The following SNX7 variants were observed in gnomAD, a reference collection of about 807,000 sequenced individuals.
SNX7 encodes the protein sorting nexin 7.
Under a neutral mutation model 48.4 loss-of-function variants are expected in SNX7, and 35 were observed. The observed-to-expected ratio is 0.72, with a 90% CI of 0.55 to 0.96. SNX7 has a LOEUF of 0.96. Ranked by LOEUF, SNX7 falls within the 40% of genes least tolerant of loss-of-function variation. SNX7 has a pLI of 0.00. For synonymous variants in SNX7, 190 were observed against 190.2 expected, an observed-to-expected ratio of 1.00 and a Z score of 0.01; for missense variants, 553 against 548.9, an observed-to-expected ratio of 1.01 and a Z score of -0.07.
At chr1:98,678,729 G>T (rs2100927650) in intron 1 of SNX7, among the ~76,000 whole-genome samples, 1 of 152,238 alleles carries the variant, frequency 6.6e-6, no homozygotes, top group South Asian at 2.1e-4. Flanking sequence ...TGATGTTAAT[G>T]AATTATATCC....
chr1:98,729,102 C>T (rs1209412952), intron 7 of SNX7, among the ~76,000 whole-genome samples: 13 of 152,160 alleles, frequency 8.5e-5, no homozygotes, highest in Non-Finnish European at 1.5e-5. Context: ...TCTCAGACCA[C>T]AGCACAATCA....
Position 98,661,724 on chromosome 1 carries a change from C to G in SNX7, c.-8C>G, listed in dbSNP as rs1020275256. On this transcript the variant is annotated 5_prime_UTR_variant, in exon 1 of 9. Transcript: ENST00000306121. ...GCGGTGGCGGCCGGCTGGGCGCGCACTCTCGGGATGGAGGGCGAGCGCCGG... is the reference window on the plus strand; with the variant it reads ...GCGGTGGCGGCCGGCTGGGCGCGCAGTCTCGGGATGGAGGGCGAGCGCCGG... 8.2e-7 allele frequency: 1 copy of G among 1,221,054 alleles called. No individual in the cohort carries two copies. The highest frequency in any genetic ancestry group is 1.6e-5 in the African/African-American group (1 of 63,562). The allele number at this position is 1,221,054 out of a possible 1,614,324, so 75.6% of individuals were successfully genotyped here.
intron 1 of SNX7, among the ~76,000 whole-genome samples, chr1:98,679,991 T>C (rs1376505211): frequency 6.6e-6 from 1 of 152,194 alleles, no homozygotes; most frequent in Non-Finnish European, 1.5e-5. Flanking sequence ...GTGTGGGGGC[T>C]CCAACCCCAC....
chr1:98,690,343 G>A (rs1390478498), intron 2 of SNX7, among the ~76,000 whole-genome samples: 2 of 152,018 alleles, frequency 1.3e-5, no homozygotes, highest in East Asian at 1.9e-4. Flanking sequence ...ATAGAAATGA[G>A]GTTGATATTG....
chr1:98,713,096 A>AC (rs1484986035), intron 7 of SNX7, among the ~76,000 whole-genome samples: 3 of 150,550 alleles, frequency 2.0e-5, no homozygotes, highest in African/African-American at 7.3e-5. Flanking sequence ...TGTCTCAGGA[A>AC]AAAAAAAAAA....
intron 7 of SNX7, among the ~76,000 whole-genome samples, chr1:98,708,787 A>T (rs908802091): frequency 6.6e-6 from 1 of 152,184 alleles, no homozygotes; most frequent in Non-Finnish European, 1.5e-5. Context: ...TCTCCTATTT[A>T]TATAAACTTG....
chr1:98,694,077 A>T (rs1651295900), intron 4 of SNX7, among the ~76,000 whole-genome samples: 1 of 152,202 alleles, frequency 6.6e-6, no homozygotes, highest in African/African-American at 2.4e-5. Flanking sequence ...GTATCTTATT[A>T]CAAGTTTTCT....
chr1:98,716,715 ATT>A (rs959299361), intron 7 of SNX7, among the ~76,000 whole-genome samples: 1 of 150,420 alleles, frequency 6.6e-6, no homozygotes, highest in South Asian at 2.1e-4. Context: ...CATAAATACA[ATT>A]TTTTTTTTCC....
chr1:98,741,729 G>C (rs560210074), intron 8 of SNX7, among the ~76,000 whole-genome samples: 1 of 152,180 alleles, frequency 6.6e-6, no homozygotes, highest in South Asian at 2.1e-4. Context: ...CCATGCCCTG[G>C]ATACAGGGCA....
chr1:98,741,753 A>C (rs1481479867), intron 8 of SNX7, among the ~76,000 whole-genome samples: 2 of 152,018 alleles, frequency 1.3e-5, no homozygotes, highest in Non-Finnish European at 2.9e-5. Flanking sequence ...ATATTTCCTA[A>C]CTTTTTTCTT....
chr1:98,693,966 C>G (rs1243906802), intron 4 of SNX7, among the ~76,000 whole-genome samples: 1 of 152,160 alleles, frequency 6.6e-6, no homozygotes, highest in East Asian at 1.9e-4. Flanking sequence ...CCATACTTCT[C>G]AAGGGATATG....
chr1:98,738,144 C>A, intron 7 of SNX7, 93 bp from the exon 8 acceptor site: 1 of 1,280,142 alleles, frequency 7.8e-7, no homozygotes, highest in Non-Finnish European at 1.1e-6. Flanking sequence ...TATATTTAGG[C>A]TGTTTTGGTA....
rs192685718 is a variant in SNX7, at chr1:98,698,982, T to G, written c.1038+77T>G. 5 of 1,381,694 alleles carry G rather than the reference T, an allele frequency of 3.6e-6. No homozygotes were observed. In the East Asian group the frequency reaches 1.2e-4, roughly 33 times the overall value. 85.6% of individuals were successfully genotyped at this position (1,381,694 alleles called of 1,614,324 possible). ...TCCATAAAGGCAACTGTATTTCTTTTCTTTAAAACCACTATCTTTTTGTCC... is the reference window on the plus strand; with the variant it reads ...TCCATAAAGGCAACTGTATTTCTTTGCTTTAAAACCACTATCTTTTTGTCC... On this transcript the variant is annotated intron_variant, in intron 6 of 8. Coordinates refer to ENST00000306121, the MANE Select transcript of SNX7 (RefSeq NM_015976.5).
rs1649796915 is a variant in SNX7 at position 98,670,598 on chromosome 1, CAT to C, written c.180+8688_180+8689del. Reference sequence around the variant, plus strand: ...CTGCCTACAGTTTTCATAACAGTAACATGTACAGGTTTGTAGCCTGGGATCAA... The same window carrying C: ...CTGCCTACAGTTTTCATAACAGTAACGTACAGGTTTGTAGCCTGGGATCAA... On this transcript the variant is annotated intron_variant, in intron 1 of 8. Coordinates refer to ENST00000306121, the MANE Select transcript of SNX7 (RefSeq NM_015976.5). Among the ~76,000 whole-genome samples the C allele has an allele frequency of 2.0e-5, 3 of 152,128 alleles. No individual in the cohort carries two copies. The South Asian group carries it at 6.2e-4, about 32-fold the overall frequency.
chr1:98,664,121 A>T (rs1393986555), intron 1 of SNX7, among the ~76,000 whole-genome samples: 1 of 152,214 alleles, frequency 6.6e-6, no homozygotes, highest in African/African-American at 2.4e-5. Flanking sequence ...ACAATTACTT[A>T]TGAAGCAAAC....
chr1:98,690,263 C>T (rs936549771), intron 2 of SNX7, among the ~76,000 whole-genome samples: 3 of 150,454 alleles, frequency 2.0e-5, no homozygotes, highest in Admixed American at 2.0e-4. Flanking sequence ...GTGTGAGTGA[C>T]TGTTTTCCTA....
At chr1:98,714,007 C>A (rs2100995155) in intron 7 of SNX7, among the ~76,000 whole-genome samples, 1 of 152,206 alleles carries the variant, frequency 6.6e-6, no homozygotes, top group African/African-American at 2.4e-5. Context: ...GCAGGGTTGT[C>A]ACAAAGCTTC....
In SNX7 at chr1:98,691,547, A is replaced by G. The variant is rs1651126089; in HGVS notation, c.487A>G (p.Lys163Glu). 1 of 1,578,628 alleles carries G rather than the reference A, an allele frequency of 6.3e-7. No individual in the cohort carries two copies. The highest frequency in any genetic ancestry group is 8.6e-7 in the Non-Finnish European group (1 of 1,166,502). ...PTLIIPPLPE[K>E]FIVKGMVERF... ...TTTTTTGCCTTAGCCATTGCCAGAA[A>G]AGTTTATAGTAAAAGGAATGGTGGA... is the stretch of plus-strand genomic sequence containing the variant. The change falls in exon 4 of 9, where the codon AAG becomes GAG. Residue 163 changes from lysine (K) to glutamate (E), a missense_variant. Lys to Glu is a moderately conservative substitution (Grantham distance 56). Coordinates refer to ENST00000306121, the MANE Select transcript of SNX7 (RefSeq NM_015976.5).
rs868632368 is a variant in SNX7 at position 98,661,960 on chromosome 1, G to A, written c.180+49G>A. ...CGGGAAACTTCCAAGGCAACTCCGG[G>A]CGTTGCCAGCATTGCGCCGACGGCT... On this transcript the variant is annotated intron_variant, in intron 1 of 8. Coordinates refer to ENST00000306121, the MANE Select transcript of SNX7 (RefSeq NM_015976.5). The A allele has an allele frequency of 4.0e-6, 5 of 1,244,422 alleles. No individual in the cohort carries two copies. The South Asian group carries it at 2.1e-4, about 51-fold the overall frequency. The allele number at this position is 1,244,422 out of a possible 1,614,324, so 77.1% of individuals were successfully genotyped here.
Sources: gnomAD v4.1 joint callset for allele counts (sites outside exome capture counted in the v4.1 genomes callset) on GRCh38, gnomAD v4.1.1 for gene constraint, MANE v1.5 for transcripts, NCBI Gene and HGNC (gene_info 2026-07-23, HGNC 2026-07-21) for gene names.